CDYL2: variants seen among roughly 807,000 people sequenced by gnomAD.
CDYL2 encodes chromodomain Y-like protein 2.
In CDYL2, 23 loss-of-function variants were observed where a neutral mutation model predicts 49.4. The observed-to-expected ratio is 0.47, with a 90% CI of 0.34 to 0.66. The LOEUF is 0.66. Ranked by LOEUF, CDYL2 falls within the 30% of genes least tolerant of loss-of-function variation. The probability of loss-of-function intolerance (pLI) is 0.01; values close to 1 mark genes in which losing one functional copy is unlikely to be tolerated. For synonymous variants in CDYL2, 360 were observed against 268.8 expected, an observed-to-expected ratio of 1.34 and a Z score of -3.32; for missense variants, 678 against 656.4, an observed-to-expected ratio of 1.03 and a Z score of -0.36.
intron 1 of CDYL2, among the ~76,000 whole-genome samples, chr16:80,795,039 T>C (rs1567608630): frequency 6.6e-6 from 1 of 152,186 alleles, no homozygotes; most frequent in African/African-American, 2.4e-5. Context: ...TCAAATAAAA[T>C]TCAAATCCGG....
intron 5 of CDYL2, among the ~76,000 whole-genome samples, chr16:80,609,741 C>G (rs958888476): frequency 3.3e-5 from 5 of 152,192 alleles, no homozygotes; most frequent in African/African-American, 1.2e-4. Context: ...ACACCATACC[C>G]TGCAGTGCCC....
chr16:80,667,226 G>A (rs1567562525), intron 2 of CDYL2, among the ~76,000 whole-genome samples: 1 of 152,228 alleles, frequency 6.6e-6, no homozygotes, highest in Middle Eastern at 3.4e-3. Context: ...CAGATGGGGT[G>A]GGCTTCCATC....
At chr16:80,653,311 C>A (rs1032885768) in intron 2 of CDYL2, among the ~76,000 whole-genome samples, 1 of 152,038 alleles carries the variant, frequency 6.6e-6, no homozygotes. Context: ...ACTAAAAACA[C>A]AAAATTAGCC....
intron 1 of CDYL2, among the ~76,000 whole-genome samples, chr16:80,693,701 C>T (rs753583618): frequency 5.9e-4 from 90 of 152,296 alleles, no homozygotes; most frequent in Admixed American, 9.8e-4. Context: ...CAATCGGCTA[C>T]ACAAGGGAAT....
intron 2 of CDYL2, among the ~76,000 whole-genome samples, chr16:80,659,867 A>G (rs1039023949): frequency 1.3e-5 from 2 of 152,094 alleles, no homozygotes; most frequent in African/African-American, 4.8e-5. Flanking sequence ...CTCAGTTTGA[A>G]AGAGCACTCT....
At chr16:80,800,965 A>C (rs532540573) in intron 1 of CDYL2, among the ~76,000 whole-genome samples, 11 of 152,334 alleles carry the variant, frequency 7.2e-5, no homozygotes, top group South Asian at 4.1e-4. Context: ...GGTAATAGGG[A>C]GCAAGGGGAC....
rs146150303 is a variant in CDYL2, at chr16:80,702,966, G to A, written c.25-17837C>T. 4.6e-5 allele frequency among the ~76,000 whole-genome samples: 7 copies of A among 152,188 alleles called. No individual in the cohort carries two copies. In the East Asian group the frequency reaches 1.2e-3, roughly 25 times the overall value. ...AGTTGTTATTGCTTTAAGCCACTAA[G>A]TCCATAACTGATATAACTTGACATA... On this transcript the variant is annotated intron_variant, in intron 1 of 6. Coordinates refer to ENST00000570137, the MANE Select transcript of CDYL2 (RefSeq NM_152342.4).
At chr16:80,791,121 C>T (rs1187100587) in intron 1 of CDYL2, among the ~76,000 whole-genome samples, 1 of 152,156 alleles carries the variant, frequency 6.6e-6, no homozygotes, top group Non-Finnish European at 1.5e-5. Flanking sequence ...CAGCAATCCT[C>T]TAAATACAAG....
chr16:80,670,500 CTT>C, intron 2 of CDYL2, among the ~76,000 whole-genome samples: 1 of 152,222 alleles, frequency 6.6e-6, no homozygotes, highest in Middle Eastern at 3.4e-3. Flanking sequence ...AACCTCTTTC[CTT>C]TATAAACTAC....
chr16:80,670,814 C>T, intron 2 of CDYL2: 2 of 427,110 alleles, frequency 4.7e-6, no homozygotes, highest in South Asian at 3.2e-5. Context: ...CTCCCAGGAA[C>T]ACCACACCAC....
intron 2 of CDYL2, among the ~76,000 whole-genome samples, chr16:80,635,659 A>G (rs915308345): frequency 2.6e-5 from 4 of 152,242 alleles, no homozygotes; most frequent in African/African-American, 9.6e-5. Context: ...TAAAGATTCA[A>G]TGCTATCTCT....
At position 80,769,679 on chromosome 16, in the gene CDYL2, T is replaced by C. The variant is rs561369263; in HGVS notation, c.24+34471A>G. On this transcript the variant is annotated intron_variant, in intron 1 of 6. Transcript: ENST00000570137. ...AAGATGTGAACAGGAAACCAGTACT[T>C]TTATGGGTAGAATCTCAGTTCAACT... is the stretch of plus-strand genomic sequence containing the variant. Among the ~76,000 whole-genome samples, 4 of 152,282 alleles carry C rather than the reference T, an allele frequency of 2.6e-5. No individual in the cohort carries two copies. The East Asian group carries it at 7.7e-4, about 29-fold the overall frequency.
intron 2 of CDYL2, among the ~76,000 whole-genome samples, chr16:80,633,596 A>T (rs1203638190): frequency 6.6e-6 from 1 of 152,192 alleles, no homozygotes; most frequent in Non-Finnish European, 1.5e-5. Context: ...GGAAATTATC[A>T]ATAAGAGCAA....
intron 2 of CDYL2, among the ~76,000 whole-genome samples, chr16:80,656,483 C>A (rs1908817634): frequency 6.6e-6 from 1 of 152,190 alleles, no homozygotes; most frequent in Admixed American, 6.5e-5. Flanking sequence ...CACTGTCCTG[C>A]GTGTGAAATG....
intron 1 of CDYL2, among the ~76,000 whole-genome samples, chr16:80,783,928 C>T (rs769261169): frequency 6.6e-6 from 1 of 152,116 alleles, no homozygotes; most frequent in Admixed American, 6.6e-5. Flanking sequence ...AATAGGCATG[C>T]GGTTTCCGCT....
chr16:80,658,806 G>C (rs188150020), intron 2 of CDYL2, among the ~76,000 whole-genome samples: 1 of 152,288 alleles, frequency 6.6e-6, no homozygotes, highest in African/African-American at 2.4e-5. Context: ...GGCTCCTAGA[G>C]AAATGGCTGC....
chr16:80,629,525 G>A (rs1202541694), intron 3 of CDYL2, among the ~76,000 whole-genome samples: 1 of 152,214 alleles, frequency 6.6e-6, no homozygotes, highest in Non-Finnish European at 1.5e-5. Flanking sequence ...GGAAGACCTG[G>A]AGTCTTCTCC....
intron 4 of CDYL2, among the ~76,000 whole-genome samples, chr16:80,617,890 G>A (rs1906902069): frequency 6.6e-6 from 1 of 152,192 alleles, no homozygotes; most frequent in Non-Finnish European, 1.5e-5. Context: ...AACCCTGGCT[G>A]CACCTGAGAA....
intron 1 of CDYL2, among the ~76,000 whole-genome samples, chr16:80,733,550 C>T (rs923029251): frequency 6.6e-6 from 1 of 152,142 alleles, no homozygotes; most frequent in African/African-American, 2.4e-5. Flanking sequence ...AGTCCCCTTG[C>T]CCTGGGGACA....
Sources: allele counts gnomAD v4.1 joint callset (sites outside exome capture counted in the v4.1 genomes callset), GRCh38; gene constraint gnomAD v4.1.1; transcripts MANE v1.5; gene names NCBI Gene and HGNC (gene_info 2026-07-23, HGNC 2026-07-21).